The following ADAMTS6 variants were observed in gnomAD, a reference collection of about 807,000 sequenced individuals.
ADAMTS6 encodes the protein A disintegrin and metalloproteinase with thrombospondin motifs 6.
In ADAMTS6, 23 loss-of-function variants were observed where a neutral mutation model predicts 144.3. The observed-to-expected ratio is 0.16, with a 90% confidence interval of 0.11 to 0.23. ADAMTS6 has a LOEUF of 0.23. ADAMTS6 is among the 10% of genes least tolerant of loss of function. The pLI is 1.00. For missense variants in ADAMTS6, 999 were observed against 1,379.6 expected (o/e 0.72, Z 4.37); for synonymous variants, 444 against 457.5 (o/e 0.97, Z 0.38).
chr5:65,236,397 C>T (rs914803210), intron 15 of ADAMTS6, among the ~76,000 whole-genome samples: 7 of 152,146 alleles, frequency 4.6e-5, no homozygotes, highest in Non-Finnish European at 8.8e-5. Flanking sequence ...AAGTGATCCT[C>T]CCACCTCAAC....
chr5:65,250,828 CT>C (rs1399202800), intron 14 of ADAMTS6, among the ~76,000 whole-genome samples: 1 of 152,068 alleles, frequency 6.6e-6, no homozygotes, highest in African/African-American at 2.4e-5. Context: ...TGGAAAAGTC[CT>C]TTTCATAGTA....
In ADAMTS6 at chr5:65,466,063, T is replaced by C. The variant is rs78197851; in HGVS notation, c.462+4715A>G. On this transcript the variant is annotated intron_variant, in intron 3 of 24. Coordinates refer to ENST00000381055, the MANE Select transcript of ADAMTS6 (RefSeq NM_197941.4). ...TTAACACCTCCAACTGAACTCATGA[T>C]ATACATCCCCCTACCTACTCCTCGA... is the stretch of plus-strand genomic sequence containing the variant. 4.6e-3 allele frequency among the ~76,000 whole-genome samples: 704 copies of C among 152,320 alleles called. 5 individuals are homozygous for C. Among genetic ancestry groups the C allele is most frequent in the African/African-American group, 0.016 (664 of 41,564 alleles).
chr5:65,315,324 C>A (rs1164496960), intron 9 of ADAMTS6, among the ~76,000 whole-genome samples: 1 of 151,604 alleles, frequency 6.6e-6, no homozygotes, highest in East Asian at 1.9e-4. Context: ...ATTACAAACT[C>A]AAGAGCAGCA....
intron 14 of ADAMTS6, among the ~76,000 whole-genome samples, chr5:65,246,963 G>C (rs766470373): frequency 3.9e-5 from 6 of 152,158 alleles, no homozygotes. Context: ...GAATAGTAGA[G>C]GGTTTAAAGA....
chr5:65,451,700 G>T, intron 6 of ADAMTS6, 80 bp from the exon 7 acceptor site: 2 of 1,504,232 alleles, frequency 1.3e-6, no homozygotes, highest in Non-Finnish European at 9.1e-7. Context: ...GACTGAAGTG[G>T]GACTATAATT....
intron 11 of ADAMTS6, among the ~76,000 whole-genome samples, chr5:65,284,663 T>C (rs1763230608): frequency 6.6e-6 from 1 of 152,136 alleles, no homozygotes; most frequent in Admixed American, 6.6e-5. Context: ...GATTATTCTA[T>C]CATTAATCAT....
chr5:65,268,072 C>T (rs1006169433), intron 12 of ADAMTS6, among the ~76,000 whole-genome samples: 1 of 152,082 alleles, frequency 6.6e-6, no homozygotes, highest in Non-Finnish European at 1.5e-5. Flanking sequence ...TGTATTCTAC[C>T]CTAAGTAAAT....
chr5:65,405,234 G>C (rs1754341266), intron 7 of ADAMTS6, among the ~76,000 whole-genome samples: 1 of 152,160 alleles, frequency 6.6e-6, no homozygotes, highest in Admixed American at 6.6e-5. Flanking sequence ...CCTATATCCT[G>C]AATGGTACTG....
intron 12 of ADAMTS6, among the ~76,000 whole-genome samples, chr5:65,263,311 T>TA: frequency 6.6e-6 from 1 of 152,084 alleles, no homozygotes; most frequent in African/African-American, 2.4e-5. Flanking sequence ...GTATTTTATT[T>TA]AAAATTTTTC....
chr5:65,229,661 T>A (rs769415318), intron 15 of ADAMTS6, among the ~76,000 whole-genome samples: 23 of 151,998 alleles, frequency 1.5e-4, no homozygotes, highest in Non-Finnish European at 1.5e-5. Context: ...ATGAAAAATG[T>A]AATAGCATCA....
At chr5:65,358,916 A>G (rs79530414) in intron 7 of ADAMTS6, among the ~76,000 whole-genome samples, 51 of 152,264 alleles carry the variant, frequency 3.3e-4, no homozygotes, top group African/African-American at 1.2e-3. Context: ...CTGCAACCCT[A>G]AAACTACTAG....
At chr5:65,420,042 G>A (rs1481200397) in intron 7 of ADAMTS6, among the ~76,000 whole-genome samples, 1 of 152,186 alleles carries the variant, frequency 6.6e-6, no homozygotes, top group Non-Finnish European at 1.5e-5. Context: ...GGCTGGGGAG[G>A]CCTCAGGAAA....
intron 7 of ADAMTS6, among the ~76,000 whole-genome samples, chr5:65,417,922 T>C (rs1248697361): frequency 6.6e-6 from 1 of 152,010 alleles, no homozygotes; most frequent in Non-Finnish European, 1.5e-5. Context: ...GCCAAAGCAA[T>C]GCTAAGCAAA....
intron 7 of ADAMTS6, among the ~76,000 whole-genome samples, chr5:65,399,972 T>A (rs1475968267): frequency 4.6e-5 from 7 of 152,048 alleles, no homozygotes; most frequent in Non-Finnish European, 1.0e-4. Context: ...TTTTTGTTCA[T>A]CTGAGAAAGT....
At chr5:65,323,124 T>C (rs1745785279) in intron 9 of ADAMTS6, among the ~76,000 whole-genome samples, 1 of 152,182 alleles carries the variant, frequency 6.6e-6, no homozygotes, top group Admixed American at 6.5e-5. Context: ...TTTAATTTTA[T>C]TGTTATTATA....
At chr5:65,444,395 A>G (rs1758106092) in intron 7 of ADAMTS6, among the ~76,000 whole-genome samples, 1 of 152,206 alleles carries the variant, frequency 6.6e-6, no homozygotes, top group Non-Finnish European at 1.5e-5. Context: ...AAACCAATAA[A>G]TGAACTTAGC....
chr5:65,334,514 A>C lies in ADAMTS6; in HGVS notation c.1074-429T>G, dbSNP rs1414654685. On this transcript the variant is annotated intron_variant, in intron 7 of 24. Transcript: ENST00000381055. ...ACTGCATTTTATACTTCTGAGCTAT[A>C]GGCACTATTTGGAGTTGCTTTAACT... Among the ~76,000 whole-genome samples the C allele has an allele frequency of 3.9e-5, 6 of 152,320 alleles. No homozygotes were observed. The East Asian group carries it at 1.2e-3, about 29-fold the overall frequency.
At position 65,260,583 on chromosome 5, in the gene ADAMTS6, A is replaced by T. The variant is rs768457356; in HGVS notation, c.1830+17T>A. 9 of 1,609,340 alleles carry T rather than the reference A, an allele frequency of 5.6e-6. No homozygotes were observed. The African/African-American group carries it at 1.1e-4, about 19-fold the overall frequency. ...AGAGTAAGCTAATTTTTCATAACAG[A>T]GTTTGGTTTTACTTACATCTGTGTT... On this transcript the variant is annotated intron_variant, in intron 14 of 24. Transcript: ENST00000381055.
At chr5:65,292,197 C>A (rs909864665) in intron 10 of ADAMTS6, among the ~76,000 whole-genome samples, 1 of 152,070 alleles carries the variant, frequency 6.6e-6, no homozygotes, top group African/African-American at 2.4e-5. Context: ...AGACAAAATA[C>A]CTTAGTTTAA....
Sources: gnomAD v4.1 joint callset for allele counts (sites outside exome capture counted in the v4.1 genomes callset) on GRCh38, gnomAD v4.1.1 for gene constraint, MANE v1.5 for transcripts, NCBI Gene and HGNC (gene_info 2026-07-23, HGNC 2026-07-21) for gene names.